The following MAD1L1 variants were observed in gnomAD, a reference collection of about 807,000 sequenced individuals.
MAD1L1 encodes mitotic spindle assembly checkpoint protein MAD1.
In MAD1L1, 95 loss-of-function variants were observed where a neutral mutation model predicts 96.9. The observed-to-expected ratio is 0.98, with a 90% CI of 0.83 to 1.16. The LOEUF is 1.16. Ranked by LOEUF, MAD1L1 falls within the 50% of genes most tolerant of loss-of-function variation. The pLI is 0.00. For missense variants in MAD1L1, 1,007 were observed against 954.4 expected (o/e 1.06, Z -0.73); for synonymous variants, 473 against 396.6 (o/e 1.19, Z -2.29).
At chr7:2,015,833 G>C (rs1782515270) in intron 12 of MAD1L1, among the ~76,000 whole-genome samples, 1 of 152,246 alleles carries the variant, frequency 6.6e-6, no homozygotes, top group Admixed American at 6.5e-5. Context: ...CGTAGATTCA[G>C]GGTGGGCCTG....
chr7:2,099,337 G>A (rs937626854), intron 11 of MAD1L1, among the ~76,000 whole-genome samples: 1 of 152,218 alleles, frequency 6.6e-6, no homozygotes, highest in African/African-American at 2.4e-5. Context: ...TCCTCAACAG[G>A]AGTTGTTTCC....
At chr7:1,971,963 G>T (rs1583957469) in intron 15 of MAD1L1, among the ~76,000 whole-genome samples, 1 of 152,318 alleles carries the variant, frequency 6.6e-6, no homozygotes, top group East Asian at 1.9e-4. Flanking sequence ...ACAGCAATTT[G>T]TGGGAAACGT....
At chr7:1,860,106 C>A (rs1435384982) in intron 18 of MAD1L1, among the ~76,000 whole-genome samples, 1 of 142,074 alleles carries the variant, frequency 7.0e-6, no homozygotes, top group Non-Finnish European at 1.5e-5. Context: ...TCCTGCGGGG[C>A]GGCCTCTGTG....
At chr7:1,993,478 G>A (rs61115016) in intron 14 of MAD1L1, among the ~76,000 whole-genome samples, 4,306 of 152,296 alleles carry the variant, frequency 0.028, 207 homozygotes, top group African/African-American at 0.098. Context: ...AGGTCACGAC[G>A]TATCAGACAC....
chr7:2,042,451 C>T (rs1783731125), intron 12 of MAD1L1, among the ~76,000 whole-genome samples: 1 of 152,248 alleles, frequency 6.6e-6, no homozygotes. Flanking sequence ...TTAGAATCTG[C>T]AGCTAAAATA....
intron 17 of MAD1L1, among the ~76,000 whole-genome samples, chr7:1,918,014 T>C (rs1788522771): frequency 1.3e-5 from 2 of 152,058 alleles, no homozygotes; most frequent in Admixed American, 6.5e-5. Context: ...CAGGCAGCGC[T>C]GTATCCCTAC....
chr7:1,975,930 TC>T (rs1780616862), intron 15 of MAD1L1, among the ~76,000 whole-genome samples: 1 of 152,204 alleles, frequency 6.6e-6, no homozygotes, highest in African/African-American at 2.4e-5. Context: ...AGTTGCTGAA[TC>T]TACAGGCAAC....
chr7:1,847,111 T>A (rs1783670810), intron 18 of MAD1L1: 2 of 362,960 alleles, frequency 5.5e-6, no homozygotes. Context: ...CTTTCTGTGA[T>A]TTCATTTTGG....
chr7:1,983,056 G>A (rs1250570461), intron 14 of MAD1L1, among the ~76,000 whole-genome samples: 1 of 152,050 alleles, frequency 6.6e-6, no homozygotes, highest in Admixed American at 6.6e-5. Context: ...CTCGTGACAT[G>A]TTAACAATGA....
In MAD1L1 at chr7:2,076,649, GCA is replaced by G. The variant is rs1403700705; in HGVS notation, c.1074-7313_1074-7312del. ...ACAGTTATGACACAGTGAGCCCACA[GCA>G]CAGTTAGCCTGCAGCACAGTGAGCC... is the stretch of plus-strand genomic sequence containing the variant. On this transcript the variant is annotated intron_variant, in intron 11 of 18. Transcript: ENST00000265854. 4.6e-5 allele frequency among the ~76,000 whole-genome samples: 7 copies of G among 152,330 alleles called. No individual in the cohort carries two copies. In the South Asian group the frequency reaches 1.5e-3, roughly 32 times the overall value.
chr7:2,220,116 C>T (rs1215488495), intron 5 of MAD1L1, among the ~76,000 whole-genome samples: 1 of 152,232 alleles, frequency 6.6e-6, no homozygotes, highest in Non-Finnish European at 1.5e-5. Flanking sequence ...ATCGCCCTCA[C>T]ACCACAGCAA....
At chr7:2,101,543 CCAGG>C (rs1786781028) in intron 11 of MAD1L1, among the ~76,000 whole-genome samples, 2 of 149,498 alleles carry the variant, frequency 1.3e-5, no homozygotes, top group Admixed American at 6.6e-5. Context: ...GGGTCTCCAT[CCAGG>C]TGGGTGGCAG....
chr7:1,882,573 T>C (rs1461546871), intron 18 of MAD1L1, among the ~76,000 whole-genome samples: 2 of 152,194 alleles, frequency 1.3e-5, no homozygotes, highest in African/African-American at 4.8e-5. Context: ...AACTACTTCC[T>C]ATCAGCAACA....
chr7:2,131,629 G>A (rs1250324691), intron 11 of MAD1L1, among the ~76,000 whole-genome samples: 1 of 152,210 alleles, frequency 6.6e-6, no homozygotes, highest in Non-Finnish European at 1.5e-5. Context: ...TGGAACATTC[G>A]TGCCTGCACC....
intron 11 of MAD1L1, among the ~76,000 whole-genome samples, chr7:2,096,128 C>T (rs1584309436): frequency 1.3e-5 from 2 of 152,230 alleles, no homozygotes; most frequent in South Asian, 4.1e-4. Flanking sequence ...CATCAGAGCA[C>T]ACGACGCCAC....
chr7:1,817,932 A>T (rs2128618522), intron 18 of MAD1L1, among the ~76,000 whole-genome samples: 1 of 151,532 alleles, frequency 6.6e-6, no homozygotes, highest in Admixed American at 6.6e-5. Flanking sequence ...AGGCCCTGCG[A>T]CCTGACCTGT....
intron 18 of MAD1L1, among the ~76,000 whole-genome samples, chr7:1,826,760 G>A (rs1330298811): frequency 6.6e-6 from 1 of 152,264 alleles, no homozygotes; most frequent in Non-Finnish European, 1.5e-5. Context: ...GGCAAAAAGT[G>A]TGTCCGGCAC....
At chr7:2,224,691 C>T (rs1793789639) in intron 4 of MAD1L1, among the ~76,000 whole-genome samples, 1 of 152,204 alleles carries the variant, frequency 6.6e-6, no homozygotes, top group Non-Finnish European at 1.5e-5. Context: ...TGAACCTTGG[C>T]AGCATTTCCA....
At position 2,103,727 on chromosome 7, in the gene MAD1L1, T is replaced by TC. The variant is rs1786940118; in HGVS notation, c.1074-34390dup. 6.6e-6 allele frequency among the ~76,000 whole-genome samples: 1 copy of TC among 152,104 alleles called. No individual in the cohort carries two copies. The highest frequency in any genetic ancestry group is 2.4e-5 in the African/African-American group (1 of 41,424). On this transcript the variant is annotated intron_variant, in intron 11 of 18. Coordinates refer to ENST00000265854, the MANE Select transcript of MAD1L1 (RefSeq NM_001013836.2). The surrounding 1 kb of genome is among the most constrained non-coding windows in gnomAD (Gnocchi z 4.3). The stretch of plus-strand genomic sequence containing the variant: ...GCTACTCAGAGGGCAGGTGCTGTCC[T>TC]CCTCCCTGCCCAGATCCCAGCAGTG...
Sources: allele counts gnomAD v4.1 joint callset (sites outside exome capture counted in the v4.1 genomes callset), GRCh38; gene constraint gnomAD v4.1.1; non-coding constraint Gnocchi (gnomAD v3.1); transcripts MANE v1.5; gene names NCBI Gene and HGNC (gene_info 2026-07-23, HGNC 2026-07-21).